The following PTCD1 variants were observed in gnomAD, a reference collection of about 807,000 sequenced individuals.
PTCD1 encodes pentatricopeptide repeat domain 1, also known as pentatricopeptide repeat-containing protein 1, mitochondrial.
PTCD1 carries 50 observed loss-of-function variants against 53.4 expected under a neutral mutation model. The ratio of observed to expected loss-of-function variants is 0.94; its 90% CI spans 0.75 to 1.19. The LOEUF (loss-of-function observed/expected upper bound fraction) is 1.19. Among genes scored for constraint, PTCD1 ranks in the 50% most tolerant of loss-of-function variants. PTCD1 has a pLI of 0.00. For synonymous variants in PTCD1, 413 were observed against 394.8 expected (o/e 1.05, Z -0.55); for missense variants, 918 against 904.8 (o/e 1.01, Z -0.19).
At chr7:99,421,331 G>C (rs899878833) in intron 7 of PTCD1, among the ~76,000 whole-genome samples, 8 of 151,548 alleles carry the variant, frequency 5.3e-5, no homozygotes, top group African/African-American at 1.9e-4. Flanking sequence ...AGGTGGCTAA[G>C]GTGGGAGGAC....
intron 5 of PTCD1, among the ~76,000 whole-genome samples, chr7:99,428,228 T>C (rs1331154745): frequency 2.6e-5 from 4 of 151,418 alleles, no homozygotes; most frequent in African/African-American, 7.3e-5. Context: ...TGAAACTCTG[T>C]CTCTACTAAA....
intron 5 of PTCD1, among the ~76,000 whole-genome samples, chr7:99,428,175 C>T (rs1166604460): frequency 6.6e-6 from 1 of 151,666 alleles, no homozygotes; most frequent in Non-Finnish European, 1.5e-5. Flanking sequence ...AGCAAGGCGC[C>T]GGATCACGAG....
Position 99,419,870 on chromosome 7 carries a change from T to C in PTCD1, c.*97A>G. The C allele has an allele frequency of 6.3e-7, 1 of 1,594,994 alleles. No individual in the cohort carries two copies. Among genetic ancestry groups the C allele is most frequent in the Non-Finnish European group, 8.5e-7 (1 of 1,170,842 alleles). Reference sequence around the variant, plus strand: ...CACGCTGCGGCTGTTCCTCAGGGCCTGGCTCTTCCCCCAGGCAGGAGGTGA... The same window carrying C: ...CACGCTGCGGCTGTTCCTCAGGGCCCGGCTCTTCCCCCAGGCAGGAGGTGA... On this transcript the variant is annotated 3_prime_UTR_variant, in exon 8 of 8. Transcript: ENST00000292478.
rs748657676 is a variant in PTCD1, at chr7:99,417,536, C to T, written c.*2431G>A. ...GTGCTGCCTGCGGTGCATTCAGACA[C>T]GGGACACCAACTTCGGGACGAACTG... On this transcript the variant is annotated 3_prime_UTR_variant, in exon 8 of 8. Coordinates refer to ENST00000292478, the MANE Select transcript of PTCD1 (RefSeq NM_015545.4). 10 of 1,611,432 alleles carry T rather than the reference C, an allele frequency of 6.2e-6. No homozygotes were observed. The highest frequency in any genetic ancestry group is 2.7e-5 in the African/African-American group (2 of 74,894).
intron 5 of PTCD1, among the ~76,000 whole-genome samples, chr7:99,427,338 C>A (rs1212877034): frequency 3.3e-4 from 48 of 144,614 alleles, no homozygotes; most frequent in African/African-American, 5.1e-4. Context: ...CCAGCCGCCC[C>A]GTCCGGGAGG....
Position 99,418,142 on chromosome 7 carries a change from T to A in PTCD1, c.*1825A>T, listed in dbSNP as rs1795611243. ...ACCACCACGCCTGGCTAATTTTGTA[T>A]TTTTAGTAGAGACGGGGTTTCTCAA... On this transcript the variant is annotated 3_prime_UTR_variant, in exon 8 of 8. Coordinates refer to ENST00000292478, the MANE Select transcript of PTCD1 (RefSeq NM_015545.4). 1.1e-5 allele frequency: 3 copies of A among 268,858 alleles called. No homozygotes were observed. Among genetic ancestry groups the A allele is most frequent in the Admixed American group, 1.1e-4 (2 of 18,426 alleles). 16.7% of individuals were successfully genotyped at this position (268,858 alleles called of 1,614,324 possible). A position where few individuals can be genotyped will look rare whatever the true frequency, so the allele number is the denominator to read the frequency against.
chr7:99,417,294 C>G lies in PTCD1; in HGVS notation c.*2673G>C, dbSNP rs1423826240. 3 of 811,764 alleles carry G rather than the reference C, an allele frequency of 3.7e-6. No homozygotes were observed. Among genetic ancestry groups the G allele is most frequent in the African/African-American group, 3.4e-5 (2 of 58,336 alleles). The allele number at this position is 811,764 out of a possible 1,614,324, so 50.3% of individuals were successfully genotyped here. A position where few individuals can be genotyped will look rare whatever the true frequency, so the allele number is the denominator to read the frequency against. ...TCCTGAACTCCTGACCTCAGGTGAT[C>G]CGCCTGCCTCGGCCTCCCAAAGTGC... On this transcript the variant is annotated 3_prime_UTR_variant, in exon 8 of 8. Coordinates refer to ENST00000292478, the MANE Select transcript of PTCD1 (RefSeq NM_015545.4).
intron 2 of PTCD1, among the ~76,000 whole-genome samples, chr7:99,434,436 G>A (rs1796380285): frequency 6.6e-6 from 1 of 151,868 alleles, no homozygotes; most frequent in Non-Finnish European, 1.5e-5. Context: ...GCGACAGAGT[G>A]AGATCCTGTT....
At chr7:99,430,838 G>A (rs569333789) in intron 3 of PTCD1, among the ~76,000 whole-genome samples, 131 of 152,306 alleles carry the variant, frequency 8.6e-4, no homozygotes, top group African/African-American at 2.7e-3. Context: ...TTGGAAGGCT[G>A]AGGTGGGCAG....
chr7:99,419,854 G>A lies in PTCD1; in HGVS notation c.*113C>T. The A allele has an allele frequency of 6.4e-7, 1 of 1,562,136 alleles. No individual in the cohort carries two copies. The highest frequency in any genetic ancestry group is 8.7e-7 in the Non-Finnish European group (1 of 1,147,032). Reference sequence around the variant, plus strand: ...TCACCAACACCTGTGACACGCTGCGGCTGTTCCTCAGGGCCTGGCTCTTCC... The same window carrying A: ...TCACCAACACCTGTGACACGCTGCGACTGTTCCTCAGGGCCTGGCTCTTCC... On this transcript the variant is annotated 3_prime_UTR_variant, in exon 8 of 8. Transcript: ENST00000292478.
At chr7:99,438,485 C>T (rs1796585545) in intron 1 of PTCD1, 3 of 1,087,624 alleles carry the variant, frequency 2.8e-6, no homozygotes, top group Non-Finnish European at 3.4e-6. Context: ...CACGCTGCGG[C>T]CGTCCTTCCT....
rs1481281933 is a variant in PTCD1 at position 99,420,095 on chromosome 7, TG to T, written c.1974del (p.Tyr658Ter). On this transcript the variant is annotated frameshift_variant, in exon 8 of 8. Coordinates refer to ENST00000292478, the MANE Select transcript of PTCD1 (RefSeq NM_015545.4). LOFTEE classifies it low-confidence loss of function (END_TRUNC). Reference sequence around the variant, plus strand: ...GCGGGCATCACTGTCAGCCACTGCTTGTAATAGGCTCGGAAGCCGTCAATCT... The same window carrying T: ...GCGGGCATCACTGTCAGCCACTGCTTTAATAGGCTCGGAAGCCGTCAATCT... ...LEKIDGFRAY[Y>X]KQWLTVMPAE... 6.2e-7 allele frequency: 1 copy of T among 1,614,036 alleles called. No homozygotes were observed. The highest frequency in any genetic ancestry group is 1.7e-5 in the Admixed American group (1 of 59,996).
chr7:99,421,298 C>A (rs573362351), intron 7 of PTCD1, among the ~76,000 whole-genome samples: 7 of 151,910 alleles, frequency 4.6e-5, no homozygotes, highest in Non-Finnish European at 1.0e-4. Flanking sequence ...TACAGTGGTA[C>A]ATGCCTGTAG....
intron 7 of PTCD1, among the ~76,000 whole-genome samples, chr7:99,421,282 G>A (rs1207822814): frequency 6.6e-6 from 1 of 151,992 alleles, no homozygotes; most frequent in Non-Finnish European, 1.5e-5. Flanking sequence ...TAAAAGATTA[G>A]CTGGGTACAG....
Position 99,433,389 on chromosome 7 carries a change from C to G in PTCD1, c.483G>C (p.Arg161Ser), listed in dbSNP as rs920017368. The change falls in exon 3 of 8, where the codon AGG (arginine) becomes AGC (serine). Residue 161 changes from arginine to serine, a missense_variant. By Grantham distance (110) the Arg-to-Ser change is moderately radical. Transcript: ENST00000292478. Reference protein sequence around the residue: ...KLVEALDLFERQMLKEERLQP... With the variant: ...KLVEALDLFESQMLKEERLQP... ...GCAATCGCTCCTCCTTCAGCATCTG[C>G]CTCTCAAACAGGTCCAGGGCTTCAA... 2.5e-6 allele frequency: 4 copies of G among 1,614,060 alleles called. No individual in the cohort carries two copies. In the African/African-American group the frequency reaches 5.3e-5, roughly 22 times the overall value.
chr7:99,431,659 C>T (rs768759104), intron 3 of PTCD1, among the ~76,000 whole-genome samples: 11 of 151,916 alleles, frequency 7.2e-5, no homozygotes, highest in Non-Finnish European at 1.0e-4. Context: ...GAGAACTGCT[C>T]GAGCCCAGGA....
chr7:99,421,448 GAAAAA>G (rs1034669390), intron 7 of PTCD1, among the ~76,000 whole-genome samples: 4 of 141,186 alleles, frequency 2.8e-5, no homozygotes, highest in Admixed American at 1.4e-4. Context: ...AAAAAAAAAA[GAAAAA>G]AGAAAATGCG....
At position 99,417,709 on chromosome 7, in the gene PTCD1, G is replaced by A; in HGVS notation, c.*2258C>T. The stretch of plus-strand genomic sequence containing the variant: ...CTGGAATGTCGTTTTGTCCCTGGAT[G>A]TCCTGCTGGCTCTCCCTCGTGGGAG... On this transcript the variant is annotated 3_prime_UTR_variant, in exon 8 of 8. Transcript: ENST00000292478. The A allele has an allele frequency of 6.5e-7, 1 of 1,544,378 alleles. No individual in the cohort carries two copies.
Position 99,426,640 on chromosome 7 carries a change from G to T in PTCD1, c.916-1024C>A, listed in dbSNP as rs553980297. On this transcript the variant is annotated intron_variant, in intron 5 of 7. Coordinates refer to ENST00000292478, the MANE Select transcript of PTCD1 (RefSeq NM_015545.4). ...GAGCGTCTCTGCCTGGCCGCCCATCGTCTGGGATGTGAGGAGCCCCTCTGC... is the reference window on the plus strand; with the variant it reads ...GAGCGTCTCTGCCTGGCCGCCCATCTTCTGGGATGTGAGGAGCCCCTCTGC... Among the ~76,000 whole-genome samples the T allele has an allele frequency of 8.3e-4, 118 of 142,522 alleles. 1 individual carries two copies. Among genetic ancestry groups the T allele is most frequent in the African/African-American group, 3.0e-3 (114 of 37,954 alleles). The allele number at this position is 142,522 out of a possible 152,430, so 93.5% of individuals were successfully genotyped here. A position where few individuals can be genotyped will look rare whatever the true frequency, so the allele number is the denominator to read the frequency against.
Sources: gnomAD v4.1 joint callset for allele counts (sites outside exome capture counted in the v4.1 genomes callset) on GRCh38, gnomAD v4.1.1 for gene constraint, MANE v1.5 for transcripts, NCBI Gene and HGNC (gene_info 2026-07-23, HGNC 2026-07-21) for gene names.